Variants in GPR158 observed in about 807,000 individuals in gnomAD.
GPR158 encodes G protein-coupled receptor 158, also known as metabotropic glycine receptor.
Under a neutral mutation model 78.2 loss-of-function variants are expected in GPR158, and 30 were observed. The ratio of observed to expected loss-of-function variants is 0.38; its 90% CI spans 0.29 to 0.52. The LOEUF (loss-of-function observed/expected upper bound fraction) is 0.52, where lower values mean the gene tolerates loss of function less well. GPR158 is among the 20% of genes least tolerant of loss of function. GPR158 has a pLI of 0.83. For synonymous variants in GPR158, 581 were observed against 591.1 expected, an observed-to-expected ratio of 0.98 and a Z score of 0.25; for missense variants, 1,463 against 1,523.5, an observed-to-expected ratio of 0.96 and a Z score of 0.66.
rs776291848 is a variant in GPR158 at position 25,349,738 on chromosome 10, T to A, written c.1009-46173T>A. 2.7e-5 allele frequency among the ~76,000 whole-genome samples: 4 copies of A among 146,592 alleles called. 1 individual carries two copies. Among genetic ancestry groups the A allele is most frequent in the African/African-American group, 5.5e-5 (2 of 36,442 alleles). ...TATATTACGCAATTTCAGGTAGTTC[T>A]TAAGAGCAGTATGACAATGGATTAA... On this transcript the variant is annotated intron_variant, in intron 2 of 10. Coordinates refer to ENST00000376351, the MANE Select transcript of GPR158 (RefSeq NM_020752.3).
intron 1 of GPR158, among the ~76,000 whole-genome samples, chr10:25,213,505 A>C (rs1489352517): frequency 6.6e-6 from 1 of 152,114 alleles, no homozygotes; most frequent in African/African-American, 2.4e-5. Flanking sequence ...AATATATGTA[A>C]ACATTTGTTT....
chr10:25,445,422 A>G (rs1471255513), intron 4 of GPR158, among the ~76,000 whole-genome samples: 2 of 152,222 alleles, frequency 1.3e-5, no homozygotes, highest in Non-Finnish European at 2.9e-5. Context: ...GGTAGGGGCT[A>G]GAATATGAAC....
At chr10:25,405,207 C>G (rs1179765004) in intron 3 of GPR158, among the ~76,000 whole-genome samples, 24 of 151,864 alleles carry the variant, frequency 1.6e-4, no homozygotes, top group Admixed American at 1.6e-3. Context: ...TATTATAATG[C>G]AGAAATGATA....
At chr10:25,241,403 T>TCTCTA (rs1853626218) in intron 2 of GPR158, among the ~76,000 whole-genome samples, 1 of 144,364 alleles carries the variant, frequency 6.9e-6, no homozygotes, top group East Asian at 2.0e-4. Flanking sequence ...TCTCTTCTCT[T>TCTCTA]CTCTTCTCTT....
chr10:25,366,835 G>C (rs1855731322), intron 2 of GPR158, among the ~76,000 whole-genome samples: 2 of 85,694 alleles, frequency 2.3e-5, no homozygotes, highest in South Asian at 3.1e-4. Flanking sequence ...TTATGAGGTT[G>C]AAACCTTTCT....
At chr10:25,465,156 T>C (rs1835404918) in intron 4 of GPR158, among the ~76,000 whole-genome samples, 1 of 152,224 alleles carries the variant, frequency 6.6e-6, no homozygotes, top group Non-Finnish European at 1.5e-5. Context: ...AGTGCTTTTA[T>C]ATAATGCAGT....
intron 1 of GPR158, among the ~76,000 whole-genome samples, chr10:25,207,227 G>C (rs776819920): frequency 6.6e-6 from 1 of 152,142 alleles, no homozygotes; most frequent in Non-Finnish European, 1.5e-5. Flanking sequence ...TATCCAGCAA[G>C]ACCATGATGG....
intron 5 of GPR158, among the ~76,000 whole-genome samples, chr10:25,501,925 G>A (rs796621233): frequency 5.3e-5 from 8 of 152,124 alleles, no homozygotes; most frequent in African/African-American, 1.4e-4. Context: ...ACTGCTGTCC[G>A]TATGCTTGGT....
intron 2 of GPR158, among the ~76,000 whole-genome samples, chr10:25,353,671 T>C (rs1855506762): frequency 6.6e-6 from 1 of 152,086 alleles, no homozygotes; most frequent in South Asian, 2.1e-4. Context: ...AAACAGTGAT[T>C]TACCAGTGTT....
At chr10:25,353,786 G>A (rs1356483528) in intron 2 of GPR158, among the ~76,000 whole-genome samples, 1 of 151,976 alleles carries the variant, frequency 6.6e-6, no homozygotes, top group Non-Finnish European at 1.5e-5. Flanking sequence ...CATATAATTG[G>A]CTCTTGTTTC....
At chr10:25,308,850 G>A (rs182526574) in intron 2 of GPR158, among the ~76,000 whole-genome samples, 2 of 152,160 alleles carry the variant, frequency 1.3e-5, no homozygotes, top group East Asian at 3.9e-4. Context: ...CAATGTCCTC[G>A]AGATTCATCT....
intron 2 of GPR158, among the ~76,000 whole-genome samples, chr10:25,288,837 A>T (rs1191168662): frequency 6.6e-6 from 1 of 152,170 alleles, no homozygotes; most frequent in East Asian, 1.9e-4. Flanking sequence ...CCTCTCAAAG[A>T]CTGTATCTTA....
chr10:25,293,745 ATTTT>A (rs5783917), intron 2 of GPR158, among the ~76,000 whole-genome samples: 34 of 144,762 alleles, frequency 2.3e-4, no homozygotes, highest in Admixed American at 3.4e-4. Flanking sequence ...TAAACCTGTA[ATTTT>A]TTTTTTTTTT....
intron 2 of GPR158, chr10:25,244,931 G>A (rs984415008): frequency 1.3e-5 from 2 of 151,670 alleles, no homozygotes; most frequent in African/African-American, 2.4e-5. Flanking sequence ...AGAGGTGCAT[G>A]TTTCTTTTGG....
chr10:25,590,985 A>G (rs1461995221), intron 8 of GPR158, among the ~76,000 whole-genome samples: 2 of 152,152 alleles, frequency 1.3e-5, no homozygotes, highest in African/African-American at 4.8e-5. Flanking sequence ...AGGAGTAGGC[A>G]TGGTAAACTA....
At chr10:25,368,966 C>T (rs1833948212) in intron 2 of GPR158, among the ~76,000 whole-genome samples, 1 of 144,302 alleles carries the variant, frequency 6.9e-6, no homozygotes, top group Non-Finnish European at 1.5e-5. Flanking sequence ...ATTTGGCTCT[C>T]TGTTTGTCTG....
chr10:25,374,483 G>C (rs1834047132), intron 2 of GPR158, among the ~76,000 whole-genome samples: 1 of 151,524 alleles, frequency 6.6e-6, no homozygotes, highest in Admixed American at 6.6e-5. Context: ...CACAAATGTA[G>C]GTTTGTATAA....
At chr10:25,292,913 T>A (rs1051842086) in intron 2 of GPR158, among the ~76,000 whole-genome samples, 11 of 152,190 alleles carry the variant, frequency 7.2e-5, no homozygotes, top group Non-Finnish European at 1.3e-4. Flanking sequence ...TGGACAATGA[T>A]AAAAGTAACA....
rs1213595833 is a variant in GPR158 at position 25,199,120 on chromosome 10, TAA to T, written c.903-21930_903-21929del. Among the ~76,000 whole-genome samples the T allele has an allele frequency of 2.0e-5, 3 of 148,636 alleles. No individual in the cohort carries two copies. The East Asian group carries it at 6.2e-4, about 31-fold the overall frequency. On this transcript the variant is annotated intron_variant, in intron 1 of 10. Coordinates refer to ENST00000376351, the MANE Select transcript of GPR158 (RefSeq NM_020752.3). ...GGTAGAGATCCACTTTGGGCTCAAA[TAA>T]AGTTTTTGTTTTTTTTTTGCTTTTA...
Sources: allele counts gnomAD v4.1 joint callset (sites outside exome capture counted in the v4.1 genomes callset), GRCh38; gene constraint gnomAD v4.1.1; transcripts MANE v1.5; gene names NCBI Gene and HGNC (gene_info 2026-07-23, HGNC 2026-07-21).